RHPN2: variants seen among roughly 807,000 people sequenced by gnomAD.
RHPN2 encodes rhophilin Rho GTPase binding protein 2.
Under a neutral mutation model 79.0 loss-of-function variants are expected in RHPN2, and 40 were observed. The ratio of observed to expected loss-of-function variants is 0.51; its 90% CI spans 0.39 to 0.66. RHPN2 has a LOEUF of 0.66. Ranked by LOEUF, RHPN2 falls within the 30% of genes least tolerant of loss-of-function variation. The probability of loss-of-function intolerance (pLI) is 0.00; values close to 1 mark genes in which losing one functional copy is unlikely to be tolerated. For synonymous variants in RHPN2, 285 were observed against 363.5 expected (o/e 0.78, Z 2.46); for missense variants, 686 against 883.5 (o/e 0.78, Z 2.83).
At chr19:33,001,958 G>T (rs1273633594) in intron 9 of RHPN2, among the ~76,000 whole-genome samples, 2 of 152,132 alleles carry the variant, frequency 1.3e-5, no homozygotes, top group African/African-American at 4.8e-5. Flanking sequence ...TTATCTTGAT[G>T]CCAGCATTTT....
chr19:33,005,623 A>AG (rs1568313763), intron 7 of RHPN2, among the ~76,000 whole-genome samples: 5 of 143,006 alleles, frequency 3.5e-5, no homozygotes, highest in Non-Finnish European at 3.0e-5. Context: ...AAAAAAAAAA[A>AG]AAGCCCTGCC....
chr19:32,990,000 G>A (rs1971641734), intron 14 of RHPN2, among the ~76,000 whole-genome samples: 1 of 152,084 alleles, frequency 6.6e-6, no homozygotes, highest in Non-Finnish European at 1.5e-5. Flanking sequence ...ACCTGCTTGG[G>A]AGGCTGAGGC....
chr19:33,052,006 AAAAG>A (rs1325907416), intron 1 of RHPN2, among the ~76,000 whole-genome samples: 1 of 151,884 alleles, frequency 6.6e-6, no homozygotes, highest in African/African-American at 2.4e-5. Flanking sequence ...AAAAAAAAAA[AAAAG>A]AATTAAAGTC....
At chr19:33,060,923 A>G (rs970213967) in intron 1 of RHPN2, among the ~76,000 whole-genome samples, 4 of 152,072 alleles carry the variant, frequency 2.6e-5, no homozygotes, top group African/African-American at 9.7e-5. Context: ...AATCCTCCCA[A>G]TGCCTCCCTG....
chr19:32,991,454 G>A (rs1599807976), intron 13 of RHPN2: 14 of 302,672 alleles, frequency 4.6e-5, no homozygotes, highest in Middle Eastern at 1.2e-3. Context: ...GTGAGACTGC[G>A]TCTCAAAAAA....
intron 9 of RHPN2, among the ~76,000 whole-genome samples, chr19:33,000,041 T>C (rs1004033459): frequency 6.6e-6 from 1 of 152,068 alleles, no homozygotes; most frequent in Non-Finnish European, 1.5e-5. Flanking sequence ...AGGCTAATTT[T>C]TAAATTTTTT....
At chr19:32,995,963 C>G in intron 11 of RHPN2, 63 bp downstream of exon 11, 1 of 1,540,954 alleles carries the variant, frequency 6.5e-7, no homozygotes, top group East Asian at 2.2e-5. Context: ...CCCCCACAGG[C>G]CAGGCGTACT....
intron 6 of RHPN2, among the ~76,000 whole-genome samples, chr19:33,009,028 A>ACAG (rs145059317): frequency 2.0e-5 from 1 of 50,196 alleles, no homozygotes; most frequent in Non-Finnish European, 3.3e-5. Flanking sequence ...TACCTACTGT[A>ACAG]TACGCTGTGT....
At chr19:33,010,698 T>A (rs983314084) in intron 6 of RHPN2, among the ~76,000 whole-genome samples, 13 of 150,300 alleles carry the variant, frequency 8.6e-5, no homozygotes, top group African/African-American at 3.2e-4. Flanking sequence ...TTTTCTTGTT[T>A]GAAAAAGGGT....
intron 10 of RHPN2, among the ~76,000 whole-genome samples, chr19:32,997,572 C>T (rs530975779): frequency 1.4e-4 from 21 of 152,114 alleles, no homozygotes; most frequent in Admixed American, 9.2e-4. Context: ...TCACTGCAAC[C>T]TCCACCTCCC....
intron 1 of RHPN2, among the ~76,000 whole-genome samples, chr19:33,048,913 G>A (rs1449918461): frequency 6.6e-6 from 1 of 151,700 alleles, no homozygotes; most frequent in East Asian, 1.9e-4. Context: ...ATTCCTTTAC[G>A]TACATTCCCA....
At chr19:33,034,380 C>G (rs1185159081) in intron 2 of RHPN2, among the ~76,000 whole-genome samples, 1 of 151,528 alleles carries the variant, frequency 6.6e-6, no homozygotes, top group African/African-American at 2.4e-5. Context: ...CCGAGGTGGG[C>G]AGATCACGAG....
At chr19:33,049,126 T>C (rs1972167605) in intron 1 of RHPN2, among the ~76,000 whole-genome samples, 2 of 152,178 alleles carry the variant, frequency 1.3e-5, no homozygotes, top group Admixed American at 1.3e-4. Context: ...TACTTATTCC[T>C]GACAGGTAGG....
chr19:33,028,783 C>T (rs1183580325), intron 2 of RHPN2, among the ~76,000 whole-genome samples: 4 of 152,012 alleles, frequency 2.6e-5, no homozygotes, highest in African/African-American at 9.7e-5. Context: ...AAAAAACCTA[C>T]AATAGGCAAA....
intron 1 of RHPN2, among the ~76,000 whole-genome samples, chr19:33,049,697 C>A (rs1336975179): frequency 6.6e-6 from 1 of 152,186 alleles, no homozygotes; most frequent in East Asian, 1.9e-4. Context: ...ACCCCCGTGT[C>A]ATCACCAGCT....
intron 1 of RHPN2, 94 bp downstream of exon 1, chr19:33,064,690 A>G: frequency 8.1e-7 from 1 of 1,230,070 alleles, no homozygotes. Context: ...GGCCTAGTGG[A>G]CCCCGACTGC....
chr19:33,064,690 A>T, intron 1 of RHPN2, 94 bp downstream of exon 1: 1 of 1,230,068 alleles, frequency 8.1e-7, no homozygotes, highest in Non-Finnish European at 1.1e-6. Context: ...GGCCTAGTGG[A>T]CCCCGACTGC....
Position 32,980,046 on chromosome 19 carries a change from T to G in RHPN2, c.2011A>C (p.Lys671Gln), listed in dbSNP as rs766725366. ...AGAAGGCTGAAAGGGGAGGGCAGCT[T>G]CTTCTTGACCTGAGGCCGTGCAGCC... ...VGAARPQVKK[K>Q]LPSPFSLLNS... is the part of the protein sequence containing the mutation. The change falls in exon 15 of 15, where the codon AAG (lysine) becomes CAG (glutamine). Residue 671 changes from lysine to glutamine, a missense_variant. By Grantham distance (53) the Lys-to-Gln change is moderately conservative. Coordinates refer to ENST00000254260, the MANE Select transcript of RHPN2 (RefSeq NM_033103.5). 32 of 1,613,932 alleles carry G rather than the reference T, an allele frequency of 2.0e-5. No individual in the cohort carries two copies. The South Asian group carries it at 2.7e-4, about 14-fold the overall frequency.
intron 2 of RHPN2, among the ~76,000 whole-genome samples, chr19:33,028,459 T>G (rs1308572132): frequency 6.6e-6 from 1 of 152,208 alleles, no homozygotes; most frequent in Non-Finnish European, 1.5e-5. Context: ...GCCTGGCCAA[T>G]TCTATTTCTA....
Sources: gnomAD v4.1 joint callset for allele counts (sites outside exome capture counted in the v4.1 genomes callset) on GRCh38, gnomAD v4.1.1 for gene constraint, MANE v1.5 for transcripts, NCBI Gene and HGNC (gene_info 2026-07-23, HGNC 2026-07-21) for gene names.